The following HOXB6 variants were observed in gnomAD, a reference collection of about 807,000 sequenced individuals.
HOXB6 encodes the protein homeobox B6, also known as homeobox protein Hox-B6.
A neutral mutation model predicts 24.2 loss-of-function variants in HOXB6; 18 were observed. The observed-to-expected ratio is 0.74, with a 90% CI of 0.51 to 1.10. HOXB6 has a LOEUF of 1.10. Among genes scored for constraint, HOXB6 ranks in the 50% least tolerant of loss-of-function variants. The probability of loss-of-function intolerance (pLI) is 0.00; values close to 1 mark genes in which losing one functional copy is unlikely to be tolerated. For missense variants in HOXB6, 332 were observed against 308.3 expected, an observed-to-expected ratio of 1.08 and a Z score of -0.58; for synonymous variants, 159 against 139.1, an observed-to-expected ratio of 1.14 and a Z score of -1.01.
chr17:48,598,232 T>G lies in HOXB6; in HGVS notation c.-78-4A>C. ...TTTTATAGTCCGAGCGCCGCGCCTA[T>G]TAGTAGTATATCCGAGATTGGGTTT... On this transcript the variant is annotated splice_polypyrimidine_tract_variant and splice_region_variant and intron_variant, in intron 2 of 3. Coordinates refer to ENST00000225648, the MANE Select transcript of HOXB6 (RefSeq NM_018952.5). The G allele has an allele frequency of 7.2e-7, 1 of 1,393,462 alleles. No homozygotes were observed. The highest frequency in any genetic ancestry group is 9.5e-7 in the Non-Finnish European group (1 of 1,048,808). The allele number at this position is 1,393,462 out of a possible 1,614,324, so 86.3% of individuals were successfully genotyped here.
rs1177792692 is a variant in HOXB6 at position 48,596,059 on chromosome 17, G to A, written c.*354C>T. The A allele has an allele frequency of 2.0e-6, 1 of 491,658 alleles. No homozygotes were observed. The highest frequency in any genetic ancestry group is 4.0e-6 in the Non-Finnish European group (1 of 250,622). 30.5% of individuals were successfully genotyped at this position (491,658 alleles called of 1,614,324 possible). On this transcript the variant is annotated 3_prime_UTR_variant, in exon 4 of 4. Transcript: ENST00000225648. This position sits in a 1 kb window ranked among gnomAD's most constrained non-coding sequence, Gnocchi z 4.8. Reference sequence around the variant, plus strand: ...AATCTACCATTGAACCGTGCACGGGGGACATGGACAAAATGAGACGCGACA... The same window carrying A: ...AATCTACCATTGAACCGTGCACGGGAGACATGGACAAAATGAGACGCGACA...
Position 48,598,112 on chromosome 17 carries a change from A to C in HOXB6, c.39T>G (p.Thr13=). 4.4e-6 allele frequency: 7 copies of C among 1,596,854 alleles called. No homozygotes were observed. Among genetic ancestry groups the C allele is most frequent in the Non-Finnish European group, 6.0e-6 (7 of 1,167,992 alleles). Residue 13 remains threonine, a synonymous_variant, in exon 3 of 4, where the codon ACT becomes ACG. Transcript: ENST00000225648. The part of the protein sequence containing the change: ...SYFVNSTFPV[T]LASGQESFLG... Reference sequence around the variant, plus strand: ...GGAAGGACTCCTGCCCGCTGGCCAGAGTGACGGGGAAGGTGGAGTTCACGA... The same window carrying C: ...GGAAGGACTCCTGCCCGCTGGCCAGCGTGACGGGGAAGGTGGAGTTCACGA...
Position 48,598,468 on chromosome 17 carries a change from C to T in HOXB6, c.-78-240G>A, listed in dbSNP as rs577410651. 3.3e-5 allele frequency among the ~76,000 whole-genome samples: 5 copies of T among 152,128 alleles called. No individual in the cohort carries two copies. In the East Asian group the frequency reaches 7.7e-4, roughly 23 times the overall value. ...CCTCTCTCCCCCCAACAACACAACG[C>T]GTCCTGTTCCACCTACGTAGGATCT... On this transcript the variant is annotated intron_variant, in intron 2 of 3. Coordinates refer to ENST00000225648, the MANE Select transcript of HOXB6 (RefSeq NM_018952.5).
chr17:48,604,175 C>G (rs1274161109), intron 2 of HOXB6: 1 of 152,488 alleles, frequency 6.6e-6, no homozygotes, highest in Admixed American at 6.5e-5. Context: ...CAGATACCCC[C>G]CATCCTCTCT....
chr17:48,599,343 A>G (rs954685439), intron 2 of HOXB6, among the ~76,000 whole-genome samples: 2 of 152,176 alleles, frequency 1.3e-5, no homozygotes, highest in African/African-American at 4.8e-5. Context: ...CCCTCCTGAT[A>G]GTTGAGGCAG....
At position 48,596,749 on chromosome 17, in the gene HOXB6, C is replaced by T; in HGVS notation, c.416-77G>A. ...CCCTCCCCTAGTCGACCCTCGAACA[C>T]AGACTCCAGCCAGTACCGGGATGCC... On this transcript the variant is annotated intron_variant, in intron 3 of 3. Coordinates refer to ENST00000225648, the MANE Select transcript of HOXB6 (RefSeq NM_018952.5). The surrounding 1 kb of genome is among the most constrained non-coding windows in gnomAD (Gnocchi z 4.8). 1.3e-6 allele frequency: 2 copies of T among 1,587,208 alleles called. No individual in the cohort carries two copies. Among genetic ancestry groups the T allele is most frequent in the Non-Finnish European group, 1.7e-6 (2 of 1,171,172 alleles).
Position 48,596,375 on chromosome 17 carries a change from G to T in HOXB6, c.*38C>A. The T allele has an allele frequency of 6.2e-7, 1 of 1,614,106 alleles. No individual in the cohort carries two copies. Among genetic ancestry groups the T allele is most frequent in the Non-Finnish European group, 8.5e-7 (1 of 1,180,002 alleles). ...CTCTGACGCCCTCGGCTCCCCACAG[G>T]CCTTTCCCCTCGCGTCCTCCCTCCC... On this transcript the variant is annotated 3_prime_UTR_variant, in exon 4 of 4. Coordinates refer to ENST00000225648, the MANE Select transcript of HOXB6 (RefSeq NM_018952.5). The surrounding 1 kb of genome is among the most constrained non-coding windows in gnomAD (Gnocchi z 4.8).
intron 2 of HOXB6, 165 bp from the exon 3 acceptor site, chr17:48,598,393 GCA>G (rs1262337534): frequency 1.3e-5 from 6 of 454,738 alleles, no homozygotes; most frequent in African/African-American, 1.2e-4. Context: ...AGGGACCCGC[GCA>G]CAAACCTATC....
intron 2 of HOXB6, among the ~76,000 whole-genome samples, chr17:48,598,557 G>C (rs2070380531): frequency 6.6e-6 from 1 of 152,084 alleles, no homozygotes; most frequent in African/African-American, 2.4e-5. Context: ...CCCCACTCCC[G>C]GGTGATTAAA....
rs764651190 is a variant in HOXB6 at position 48,597,874 on chromosome 17, C to A, written c.277G>T (p.Ala93Ser). 1.9e-5 allele frequency: 31 copies of A among 1,591,012 alleles called. No individual in the cohort carries two copies. The highest frequency in any genetic ancestry group is 3.4e-5 in the South Asian group (3 of 88,440). The change falls in exon 3 of 4, where the codon GCC becomes TCC. Residue 93 changes from alanine to serine, a missense_variant. Transcript: ENST00000225648. ...GGGTGGAACGGGGGCTGCTCGTCGG[C>A]GCCGGAGAGTGCGCAGGCCGACTCT... Reference protein sequence around the residue: ...EKESACALSGADEQPPFHPEP... With the variant: ...EKESACALSGSDEQPPFHPEP...
intron 3 of HOXB6, 28 bp downstream of exon 3, chr17:48,597,708 G>A: frequency 6.2e-7 from 1 of 1,608,526 alleles, no homozygotes; most frequent in South Asian, 1.1e-5. Flanking sequence ...GGGGAGCCGG[G>A]GCGACGGCGA....
At chr17:48,599,852 G>C (rs1378665390) in intron 2 of HOXB6, among the ~76,000 whole-genome samples, 1 of 152,142 alleles carries the variant, frequency 6.6e-6, no homozygotes, top group African/African-American at 2.4e-5. Context: ...TCCTTCCTTT[G>C]GGCTCCTTTT....
chr17:48,597,672 G>C, intron 3 of HOXB6, 64 bp downstream of exon 3: 1 of 1,544,018 alleles, frequency 6.5e-7, no homozygotes, highest in Non-Finnish European at 8.9e-7. Context: ...GCGCTCACTA[G>C]TTCTGTGTCC....
chr17:48,603,537 A>C (rs77074825), intron 2 of HOXB6, among the ~76,000 whole-genome samples: 7,059 of 152,268 alleles, frequency 0.046, 288 homozygotes, highest in East Asian at 0.24. Context: ...GCCTAAAACA[A>C]AAAGGCACTT....
chr17:48,597,822 T>G lies in HOXB6; in HGVS notation c.329A>C (p.Gln110Pro). Residue 110 changes from glutamine (Q) to proline (P), a missense_variant, in exon 3 of 4, where the codon CAG becomes CCG. Coordinates refer to ENST00000225648, the MANE Select transcript of HOXB6 (RefSeq NM_018952.5). ...HPEPRKSDCAQDKSVFGETEE... is the reference protein window; with the variant it reads ...HPEPRKSDCAPDKSVFGETEE... The stretch of plus-strand genomic sequence containing the variant: ...TGTCTCGCCGAACACGCTCTTGTCC[T>G]GCGCGCAGTCCGACTTCCGCGGCTC... The G allele has an allele frequency of 6.2e-7, 1 of 1,606,712 alleles. No homozygotes were observed. Among genetic ancestry groups the G allele is most frequent in the Non-Finnish European group, 8.5e-7 (1 of 1,176,164 alleles).
At chr17:48,601,826 C>A (rs193163546) in intron 2 of HOXB6, 199 of 245,978 alleles carry the variant, frequency 8.1e-4, no homozygotes, top group African/African-American at 4.5e-3. Context: ...ACCACAGCAC[C>A]TTTAAAGGAA....
chr17:48,596,542 G>A lies in HOXB6; in HGVS notation c.546C>T (p.Ala182=), dbSNP rs2070299624. ...TGATCTGCCTCTCCGTCAGGCACAG[G>A]GCGTGCGCGATCTCGATGCGCCGCC... ...TRRRRIEIAH[A]LCLTERQIKI... is the part of the protein sequence containing the mutation. Residue 182 remains alanine, a synonymous_variant, in exon 4 of 4, where the codon GCC becomes GCT. Transcript: ENST00000225648. The surrounding 1 kb of genome is among the most constrained non-coding windows in gnomAD (Gnocchi z 4.8). 6 of 1,614,246 alleles carry A rather than the reference G, an allele frequency of 3.7e-6. No homozygotes were observed. Among genetic ancestry groups the A allele is most frequent in the South Asian group, 1.1e-5 (1 of 91,084 alleles).
intron 2 of HOXB6, chr17:48,600,565 C>A (rs1364421479): frequency 2.2e-6 from 1 of 454,834 alleles, no homozygotes; most frequent in Non-Finnish European, 4.4e-6. Flanking sequence ...AGCGTTTATT[C>A]GTCTGATCCG....
Position 48,598,237 on chromosome 17 carries a change from A to G in HOXB6, c.-78-9T>C, listed in dbSNP as rs889420397. On this transcript the variant is annotated splice_polypyrimidine_tract_variant and intron_variant, in intron 2 of 3. Transcript: ENST00000225648. ...TAGTCCGAGCGCCGCGCCTATTAGT[A>G]GTATATCCGAGATTGGGTTTTAGCT... is the stretch of plus-strand genomic sequence containing the variant. The G allele has an allele frequency of 2.4e-5, 33 of 1,363,262 alleles. No homozygotes were observed. Among genetic ancestry groups the G allele is most frequent in the Non-Finnish European group, 3.1e-5 (32 of 1,024,802 alleles). The allele number at this position is 1,363,262 out of a possible 1,614,324, so 84.4% of individuals were successfully genotyped here.
Sources: allele counts gnomAD v4.1 joint callset (sites outside exome capture counted in the v4.1 genomes callset), GRCh38; gene constraint gnomAD v4.1.1; non-coding constraint Gnocchi (gnomAD v3.1); transcripts MANE v1.5; gene names NCBI Gene and HGNC (gene_info 2026-07-23, HGNC 2026-07-21).